Variants in DMXL2 observed in about 807,000 individuals in gnomAD.
DMXL2 encodes the protein Dmx like 2.
Under a neutral mutation model 331.1 loss-of-function variants are expected in DMXL2, and 103 were observed. The observed-to-expected ratio is 0.31, with a 90% CI of 0.27 to 0.37. DMXL2 has a LOEUF of 0.37. Ranked by LOEUF, DMXL2 falls within the 10% of genes least tolerant of loss-of-function variation. The pLI is 1.00. For missense variants in DMXL2, 3,171 were observed against 3,642.9 expected (o/e 0.87, Z 3.33); for synonymous variants, 1,281 against 1,252.1 (o/e 1.02, Z -0.49).
At chr15:51,595,984 C>T (rs1415725039) in intron 1 of DMXL2, among the ~76,000 whole-genome samples, 1 of 152,140 alleles carries the variant, frequency 6.6e-6, no homozygotes, top group Non-Finnish European at 1.5e-5. Context: ...AAAACCTAGG[C>T]AATAACATTC....
intron 30 of DMXL2, 23 bp downstream of exon 30, chr15:51,466,159 TGA>T (rs762556436): frequency 4.0e-6 from 6 of 1,504,918 alleles, no homozygotes; most frequent in Non-Finnish European, 4.4e-6. Flanking sequence ...AAAAAAAAAA[TGA>T]GAGAAAGAAA....
chr15:51,619,494 G>A (rs1338860256), intron 1 of DMXL2, among the ~76,000 whole-genome samples: 1 of 152,184 alleles, frequency 6.6e-6, no homozygotes, highest in Non-Finnish European at 1.5e-5. Flanking sequence ...ACTACAGACT[G>A]CAGTACCATG....
chr15:51,521,872 T>C (rs2047400581), intron 13 of DMXL2, among the ~76,000 whole-genome samples: 1 of 152,192 alleles, frequency 6.6e-6, no homozygotes, highest in African/African-American at 2.4e-5. Context: ...GAGTCCTCAA[T>C]AAAAATTAAA....
intron 15 of DMXL2, 35 bp from the exon 16 acceptor site, chr15:51,507,288 A>T (rs761340522): frequency 3.8e-6 from 6 of 1,578,916 alleles, no homozygotes; most frequent in Non-Finnish European, 5.1e-6. Flanking sequence ...TTAAATTAGT[A>T]TGTTTTTATG....
intron 1 of DMXL2, among the ~76,000 whole-genome samples, chr15:51,614,494 C>T (rs1322227163): frequency 6.6e-6 from 1 of 152,128 alleles, no homozygotes; most frequent in East Asian, 1.9e-4. Context: ...TAATATATAT[C>T]CTTGGAGTAA....
At chr15:51,545,201 G>A (rs2048824652) in intron 8 of DMXL2, among the ~76,000 whole-genome samples, 1 of 151,978 alleles carries the variant, frequency 6.6e-6, no homozygotes, top group Non-Finnish European at 1.5e-5. Flanking sequence ...TAATCTTTAT[G>A]AAACAAAAGC....
intron 1 of DMXL2, among the ~76,000 whole-genome samples, chr15:51,606,833 C>A (rs1041321135): frequency 6.6e-6 from 1 of 152,128 alleles, no homozygotes; most frequent in African/African-American, 2.4e-5. Context: ...TAGAAAAAAA[C>A]ATCTAGAATG....
intron 29 of DMXL2, among the ~76,000 whole-genome samples, 164 bp downstream of exon 29, chr15:51,471,059 G>A (rs1485050577): frequency 1.3e-5 from 2 of 152,024 alleles, no homozygotes; most frequent in African/African-American, 2.4e-5. Flanking sequence ...GATCATCCTC[G>A]AATTTACTAT....
chr15:51,456,362 T>A lies in DMXL2; in HGVS notation c.8345A>T (p.Lys2782Ile). ...QTSTGASVLM[K>I]RNLHNVKRMT... is the part of the protein sequence containing the mutation. ...TCTCTTAACATTATGTAGATTCCTT[T>A]TCATAAGCTTTAAAAGAAAATTTTA... is the stretch of plus-strand genomic sequence containing the variant. The change falls in exon 38 of 44, where the codon AAA (lysine) becomes ATA (isoleucine). Residue 2782 changes from lysine (K) to isoleucine (I), a missense_variant. Transcript: ENST00000560891. The A allele has an allele frequency of 6.3e-7, 1 of 1,580,448 alleles. No homozygotes were observed. The highest frequency in any genetic ancestry group is 8.6e-7 in the Non-Finnish European group (1 of 1,165,838).
intron 20 of DMXL2, among the ~76,000 whole-genome samples, chr15:51,489,251 A>G (rs2042617618): frequency 6.6e-6 from 1 of 152,232 alleles, no homozygotes; most frequent in African/African-American, 2.4e-5. Context: ...GCATAATGAC[A>G]AAACAACAGT....
chr15:51,519,047 T>C (rs1567059501), intron 13 of DMXL2, among the ~76,000 whole-genome samples: 1 of 151,984 alleles, frequency 6.6e-6, no homozygotes, highest in Non-Finnish European at 1.5e-5. Flanking sequence ...GAGCAAAATA[T>C]CAAACATTTA....
intron 33 of DMXL2, among the ~76,000 whole-genome samples, chr15:51,461,221 C>G (rs1344667131): frequency 2.0e-5 from 3 of 152,094 alleles, no homozygotes; most frequent in African/African-American, 7.2e-5. Context: ...TGGGGACCCA[C>G]TGCTGGAAGA....
chr15:51,577,091 ATGAT>A (rs1276221654), intron 1 of DMXL2, among the ~76,000 whole-genome samples: 1 of 152,182 alleles, frequency 6.6e-6, no homozygotes, highest in Non-Finnish European at 1.5e-5. Flanking sequence ...CAAACTACTT[ATGAT>A]TAAATATTCA....
Position 51,537,668 on chromosome 15 carries a change from T to C in DMXL2, c.1437A>G (p.Arg479=). The C allele has an allele frequency of 6.2e-7, 1 of 1,613,958 alleles. No individual in the cohort carries two copies. The highest frequency in any genetic ancestry group is 8.5e-7 in the Non-Finnish European group (1 of 1,179,900). ...TAGGCAGTGGCATTGGTACACTAAG[T>C]CGTGAGTAAGTTCTAGGACTTCCTT... The part of the protein sequence containing the change: ...EREGSPRTYS[R]LSVPMPLPTV... The change falls in exon 11 of 44, where the codon CGA becomes CGG. Residue 479 remains arginine (R), a synonymous_variant. Coordinates refer to ENST00000560891, the MANE Select transcript of DMXL2 (RefSeq NM_001378457.1).
chr15:51,519,545 G>C (rs551344748), intron 13 of DMXL2, among the ~76,000 whole-genome samples: 73 of 148,662 alleles, frequency 4.9e-4, no homozygotes, highest in African/African-American at 1.8e-3. Flanking sequence ...ACTAATTATA[G>C]TTTTATTTTT....
chr15:51,593,000 C>A (rs950643881), intron 1 of DMXL2, among the ~76,000 whole-genome samples: 2 of 152,174 alleles, frequency 1.3e-5, no homozygotes, highest in Admixed American at 1.3e-4. Context: ...GAAGACATTG[C>A]ATCAACTAAT....
intron 6 of DMXL2, among the ~76,000 whole-genome samples, chr15:51,550,796 C>A (rs1043888658): frequency 6.6e-6 from 1 of 152,000 alleles, no homozygotes; most frequent in South Asian, 2.1e-4. Flanking sequence ...AGGTATGTCA[C>A]GTTGGGTAGA....
chr15:51,474,530 T>C lies in DMXL2; in HGVS notation c.7027A>G (p.Ile2343Val), dbSNP rs1463138608. 6.2e-7 allele frequency: 1 copy of C among 1,614,078 alleles called. No homozygotes were observed. The change falls in exon 28 of 44, where the codon ATT becomes GTT. Residue 2343 changes from isoleucine to valine, a missense_variant. Transcript: ENST00000560891. Reference sequence around the variant, plus strand: ...GCAACAACAGCTTCACATAGCAAAATGTTCAGTTTTGGCTGGTCTTCATCT... The same window carrying C: ...GCAACAACAGCTTCACATAGCAAAACGTTCAGTTTTGGCTGGTCTTCATCT... Reference protein sequence around the residue: ...AQDEDQPKLNILLCEAVVAVY... With the variant: ...AQDEDQPKLNVLLCEAVVAVY...
chr15:51,551,706 C>A (rs1468217371), intron 6 of DMXL2, among the ~76,000 whole-genome samples: 1 of 152,022 alleles, frequency 6.6e-6, no homozygotes, highest in African/African-American at 2.4e-5. Context: ...ACTCAAACAA[C>A]AAGTATTTAT....
Sources: allele counts gnomAD v4.1 joint callset (sites outside exome capture counted in the v4.1 genomes callset), GRCh38; gene constraint gnomAD v4.1.1; transcripts MANE v1.5; gene names NCBI Gene and HGNC (gene_info 2026-07-23, HGNC 2026-07-21).